The following JCAD variants were observed in gnomAD, a reference collection of about 807,000 sequenced individuals.
JCAD encodes junctional cadherin 5 associated, also known as junctional cadherin 5-associated protein.
In JCAD, 40 loss-of-function variants were observed where a neutral mutation model predicts 98.0. The observed-to-expected ratio is 0.41, with a 90% CI of 0.32 to 0.53. The LOEUF (loss-of-function observed/expected upper bound fraction) is 0.53. JCAD is among the 20% of genes least tolerant of loss of function. The probability of loss-of-function intolerance (pLI) is 0.31; values close to 1 mark genes in which losing one functional copy is unlikely to be tolerated. For synonymous variants in JCAD, 691 were observed against 682.3 expected, an observed-to-expected ratio of 1.01 and a Z score of -0.20; for missense variants, 1,705 against 1,738.1, an observed-to-expected ratio of 0.98 and a Z score of 0.34.
intron 1 of JCAD, among the ~76,000 whole-genome samples, chr10:30,072,146 A>G (rs945456461): frequency 2.0e-5 from 3 of 151,814 alleles, no homozygotes; most frequent in African/African-American, 7.3e-5. Flanking sequence ...CAGGGAAGGG[A>G]AGGGAAGAAG....
At chr10:30,113,738 C>G (rs1256096501) in intron 1 of JCAD, among the ~76,000 whole-genome samples, 2 of 152,068 alleles carry the variant, frequency 1.3e-5, no homozygotes, top group African/African-American at 2.4e-5. Context: ...AGGGCATGCA[C>G]TGTTGCACTG....
chr10:30,054,773 C>T (rs1169950266), intron 1 of JCAD, among the ~76,000 whole-genome samples: 2 of 151,662 alleles, frequency 1.3e-5, no homozygotes, highest in African/African-American at 4.8e-5. Context: ...GGGTTCACGC[C>T]ATTCTCCTGC....
intron 1 of JCAD, among the ~76,000 whole-genome samples, chr10:30,076,467 T>A (rs1237262915): frequency 6.6e-6 from 1 of 152,178 alleles, no homozygotes; most frequent in East Asian, 1.9e-4. Context: ...CTGATTTTCA[T>A]TGTCTTTTTT....
At position 30,091,814 on chromosome 10, in the gene JCAD, A is replaced by C. The variant is rs1256693692; in HGVS notation, n.129-21993T>G. 4.3e-5 allele frequency among the ~76,000 whole-genome samples: 6 copies of C among 140,244 alleles called. No homozygotes were observed. The Admixed American group carries it at 4.6e-4, about 11-fold the overall frequency. The allele number at this position is 140,244 out of a possible 152,430, so 92.0% of individuals were successfully genotyped here. ...CAAGGCGGGTGGATCACCTGATGTC[A>C]GGAGTTCAAGAGCAGCCTGGCCAAA... On this transcript the variant is annotated intron_variant and non_coding_transcript_variant, in intron 1 of 2. Coordinates refer to the JCAD transcript ENST00000465712.
intron 2 of JCAD, among the ~76,000 whole-genome samples, chr10:30,032,343 A>C (rs1260958308): frequency 6.6e-6 from 1 of 152,164 alleles, no homozygotes; most frequent in Non-Finnish European, 1.5e-5. Context: ...AAATCTCCCA[A>C]ATGACTCTAG....
chr10:30,069,446 CAAAAAAAAAA>C (rs35069678), intron 2 of JCAD, among the ~76,000 whole-genome samples: 1 of 105,586 alleles, frequency 9.5e-6, no homozygotes, highest in South Asian at 3.8e-4. Context: ...AGAAAATTTA[CAAAAAAAAAA>C]AAAAAAAAAA....
intron 2 of JCAD, among the ~76,000 whole-genome samples, chr10:30,036,309 C>A (rs768858419): frequency 6.6e-6 from 1 of 152,060 alleles, no homozygotes; most frequent in Non-Finnish European, 1.5e-5. Flanking sequence ...ATTAGCCAGG[C>A]GTGGTAGTGG....
In JCAD at chr10:30,056,744, G is replaced by T. The variant is rs182645512; in HGVS notation, c.-60+2738C>A. ...ATATCTATAGAAAGTTGTTGGGAAAGATATTTGGTTATAGATAATCCAAAT... is the reference window on the plus strand; with the variant it reads ...ATATCTATAGAAAGTTGTTGGGAAATATATTTGGTTATAGATAATCCAAAT... On this transcript the variant is annotated intron_variant, in intron 1 of 3. Transcript: ENST00000375377. 4.6e-5 allele frequency among the ~76,000 whole-genome samples: 7 copies of T among 152,324 alleles called. No homozygotes were observed. The East Asian group carries it at 1.2e-3, about 25-fold the overall frequency.
At chr10:30,103,360 A>G (rs1316639386) in intron 1 of JCAD, among the ~76,000 whole-genome samples, 1 of 152,214 alleles carries the variant, frequency 6.6e-6, no homozygotes, top group African/African-American at 2.4e-5. Flanking sequence ...TTGTTCCTCA[A>G]AAATTAAAAG....
chr10:30,023,242 T>G (rs1199871827), intron 3 of JCAD, among the ~76,000 whole-genome samples: 1 of 152,134 alleles, frequency 6.6e-6, no homozygotes, highest in East Asian at 1.9e-4. Flanking sequence ...TTCACCACGT[T>G]GGCCACACCA....
intron 3 of JCAD, among the ~76,000 whole-genome samples, chr10:30,020,864 G>A (rs796350215): frequency 8.5e-5 from 13 of 152,238 alleles, no homozygotes; most frequent in African/African-American, 2.9e-4. Flanking sequence ...GTCACACTTC[G>A]GCTAGTGGGA....
chr10:30,031,012 G>A (rs1452969348), intron 2 of JCAD, among the ~76,000 whole-genome samples: 1 of 150,968 alleles, frequency 6.6e-6, no homozygotes, highest in East Asian at 1.9e-4. Flanking sequence ...TCATCTCTCT[G>A]ATGGTAAGCA....
intron 2 of JCAD, among the ~76,000 whole-genome samples, chr10:30,068,132 T>C (rs193265619): frequency 7.8e-4 from 119 of 152,188 alleles, no homozygotes; most frequent in African/African-American, 2.7e-3. Context: ...CTCAGGCCTG[T>C]GATCGTAGCA....
chr10:30,026,014 G>A (rs1836783864), intron 3 of JCAD, 89 bp downstream of exon 3: 4 of 1,459,502 alleles, frequency 2.7e-6, no homozygotes, highest in Non-Finnish European at 2.9e-6. Context: ...TGAATATGCA[G>A]ATTTACATTA....
At chr10:30,110,571 C>T (rs1011926811) in intron 1 of JCAD, among the ~76,000 whole-genome samples, 4 of 151,532 alleles carry the variant, frequency 2.6e-5, no homozygotes, top group Non-Finnish European at 5.9e-5. Context: ...GATGTATAGG[C>T]CAGTTGACAT....
Position 30,029,663 on chromosome 10 carries a change from T to C in JCAD, c.485A>G (p.His162Arg). 1 of 1,614,244 alleles carries C rather than the reference T, an allele frequency of 6.2e-7. No individual in the cohort carries two copies. Among genetic ancestry groups the C allele is most frequent in the Non-Finnish European group, 8.5e-7 (1 of 1,180,042 alleles). ...TTCCCAAACTGGCTTCTTCATCACA[T>C]GCTCTGACCTTCCTCCAACTTCCCA... ...GPWEVGGRSE[H>R]VMKKPVWEEE... The change falls in exon 3 of 4, where the codon CAT (histidine) becomes CGT (arginine). Residue 162 changes from histidine to arginine, a missense_variant. Transcript: ENST00000375377.
intron 1 of JCAD, among the ~76,000 whole-genome samples, chr10:30,091,929 G>A (rs1228557128): frequency 7.0e-6 from 1 of 142,194 alleles, no homozygotes; most frequent in Non-Finnish European, 1.5e-5. Context: ...CTGGGAGGCT[G>A]AGGCAAGAGA....
At chr10:30,084,717 G>T (rs952242030) in intron 1 of JCAD, among the ~76,000 whole-genome samples, 1 of 152,208 alleles carries the variant, frequency 6.6e-6, no homozygotes, top group East Asian at 1.9e-4. Context: ...CTCAACTCAC[G>T]CTGAAGATCT....
At chr10:30,058,841 C>A (rs978265699) in intron 1 of JCAD, among the ~76,000 whole-genome samples, 3 of 152,140 alleles carry the variant, frequency 2.0e-5, no homozygotes, top group Non-Finnish European at 2.9e-5. Context: ...AGGAGCCGGG[C>A]GGCCCCGGGC....
Sources: allele counts gnomAD v4.1 joint callset (sites outside exome capture counted in the v4.1 genomes callset), GRCh38; gene constraint gnomAD v4.1.1; transcripts MANE v1.5; gene names NCBI Gene and HGNC (gene_info 2026-07-23, HGNC 2026-07-21).